The following NDUFA11 variants were observed in gnomAD, a reference collection of about 807,000 sequenced individuals.
NDUFA11 encodes NADH:ubiquinone oxidoreductase subunit A11.
Under a neutral mutation model 11.3 loss-of-function variants are expected in NDUFA11, and 14 were observed. That is an observed-to-expected ratio of 1.24 (90% CI 0.82 to 1.94). The LOEUF (loss-of-function observed/expected upper bound fraction) is 1.94. Among genes scored for constraint, NDUFA11 ranks in the 30% most tolerant of loss-of-function variants. The pLI is 0.00. For missense variants in NDUFA11, 204 were observed against 200.3 expected (o/e 1.02, Z -0.11); for synonymous variants, 87 against 85.6 (o/e 1.02, Z -0.09).
chr19:5,892,770 G>A (rs550178664), downstream of NDUFA11: 1,009 of 1,094,870 alleles, frequency 9.2e-4, 4 homozygotes, highest in Non-Finnish European at 8.9e-4. Context: ...GAGTGGATGC[G>A]ATGCCCGTGA....
At chr19:5,900,579 C>T (rs988345939) in intron 1 of NDUFA11, among the ~76,000 whole-genome samples, 2 of 152,162 alleles carry the variant, frequency 1.3e-5, no homozygotes, top group African/African-American at 4.8e-5. Flanking sequence ...CCCAGAAACA[C>T]GTTTCAGCAA....
In NDUFA11 at chr19:5,896,772, C is replaced by G. The variant is rs2057612483; in HGVS notation, c.190+133G>C. ...CATGTATTCCTGATAAAGGAACACC[C>G]CACTTTCTCCGGATGGCCAGCACTG... On this transcript the variant is annotated intron_variant, in intron 2 of 3. Coordinates refer to ENST00000308961, the MANE Select transcript of NDUFA11 (RefSeq NM_175614.5). The surrounding 1 kb of genome is among the most constrained non-coding windows in gnomAD (Gnocchi z 5.8). 1.7e-6 allele frequency: 2 copies of G among 1,173,680 alleles called. No homozygotes were observed. Among genetic ancestry groups the G allele is most frequent in the South Asian group, 1.2e-5 (1 of 82,324 alleles). The allele number at this position is 1,173,680 out of a possible 1,614,324, so 72.7% of individuals were successfully genotyped here. A position where few individuals can be genotyped will look rare whatever the true frequency, so the allele number is the denominator to read the frequency against.
At position 5,897,000 on chromosome 19, in the gene NDUFA11, G is replaced by A. The variant is rs746553607; in HGVS notation, c.98-3C>T. 6.2e-7 allele frequency: 1 copy of A among 1,613,442 alleles called. No homozygotes were observed. Among genetic ancestry groups the A allele is most frequent in the Non-Finnish European group, 8.5e-7 (1 of 1,179,488 alleles). ...TCTGTAGGCAGCGGCGGTCAGGCCT[G>A]CGAGACAGAGGAGGGAGGCTGTTCA... On this transcript the variant is annotated splice_polypyrimidine_tract_variant and splice_region_variant and intron_variant, in intron 1 of 3. Coordinates refer to ENST00000308961, the MANE Select transcript of NDUFA11 (RefSeq NM_175614.5). The surrounding 1 kb of genome is among the most constrained non-coding windows in gnomAD (Gnocchi z 5.8).
In NDUFA11 at chr19:5,896,743, C is replaced by G. The variant is rs1353280440; in HGVS notation, c.190+162G>C. 5 of 1,204,954 alleles carry G rather than the reference C, an allele frequency of 4.1e-6. No individual in the cohort carries two copies. In the African/African-American group the frequency reaches 6.0e-5, roughly 14 times the overall value. 74.6% of individuals were successfully genotyped at this position (1,204,954 alleles called of 1,614,324 possible). ...GAGCTGTTCTCCTGGGCCTCCCCAC[C>G]CTACATGTATTCCTGATAAAGGAAC... On this transcript the variant is annotated intron_variant, in intron 2 of 3. Coordinates refer to ENST00000308961, the MANE Select transcript of NDUFA11 (RefSeq NM_175614.5). This position sits in a 1 kb window ranked among gnomAD's most constrained non-coding sequence, Gnocchi z 5.8.
intron 1 of NDUFA11, among the ~76,000 whole-genome samples, chr19:5,899,334 A>C (rs2057630255): frequency 6.7e-6 from 1 of 150,140 alleles, no homozygotes; most frequent in African/African-American, 2.5e-5. Flanking sequence ...TATTTTTAGT[A>C]GAGACGGGGT....
Position 5,896,120 on chromosome 19 carries a change from A to G in NDUFA11, c.313+333T>C. ...GGCTTGTACACAGGGTGGTCAGGAC[A>G]GTGAGGGGAACAGCATTCCACGCAG... On this transcript the variant is annotated intron_variant, in intron 3 of 3. Coordinates refer to ENST00000308961, the MANE Select transcript of NDUFA11 (RefSeq NM_175614.5). The surrounding 1 kb of genome is among the most constrained non-coding windows in gnomAD (Gnocchi z 5.8). 1 of 549,616 alleles carries G rather than the reference A, an allele frequency of 1.8e-6. No individual in the cohort carries two copies. The highest frequency in any genetic ancestry group is 3.2e-6 in the Non-Finnish European group (1 of 310,512). The allele number at this position is 549,616 out of a possible 1,614,324, so 34.0% of individuals were successfully genotyped here.
downstream of NDUFA11, chr19:5,892,707 G>C: frequency 1.7e-6 from 1 of 589,782 alleles, no homozygotes; most frequent in Non-Finnish European, 2.6e-6. Context: ...AGGCCGTGCT[G>C]TGGTGGGCGC....
chr19:5,894,566 G>A, downstream of NDUFA11: 1 of 1,337,880 alleles, frequency 7.5e-7, no homozygotes, highest in African/African-American at 1.4e-5. Context: ...GCAGGCGGCA[G>A]GCAGGCGCGT....
chr19:5,897,406 G>A (rs974564189), intron 1 of NDUFA11, among the ~76,000 whole-genome samples: 9 of 152,118 alleles, frequency 5.9e-5, no homozygotes, highest in African/African-American at 1.7e-4. Context: ...CCAGCTCAGC[G>A]GCGCCCCCCA....
chr19:5,901,934 G>A (rs2057648505), intron 1 of NDUFA11, among the ~76,000 whole-genome samples: 1 of 149,288 alleles, frequency 6.7e-6, no homozygotes, highest in African/African-American at 2.5e-5. Context: ...GCCTCCCAAA[G>A]TGCTGGGACT....
chr19:5,903,613 AG>A lies in NDUFA11; in HGVS notation c.95del (p.Ala32ValfsTer3). 1.9e-6 allele frequency: 3 copies of A among 1,550,474 alleles called. No individual in the cohort carries two copies. The highest frequency in any genetic ancestry group is 2.4e-5 in the South Asian group (2 of 84,060). On this transcript the variant is annotated frameshift_variant and splice_region_variant, in exon 1 of 4. Transcript: ENST00000308961. LOFTEE classifies it high-confidence loss of function. Reference sequence around the variant, plus strand: ...CCTCGGGGCCCGGCCGGCGCTCACCAGCGACGCTGGCAATACTGGTGGTGCT... The same window carrying A: ...CCTCGGGGCCCGGCCGGCGCTCACCACGACGCTGGCAATACTGGTGGTGCT... ...AYSTTSIASVAGLTAAAYRVT... is the reference protein window; with the variant it reads ...AYSTTSIASVXGLTAAAYRVT...
At chr19:5,894,441 G>C (rs1039000274), downstream of NDUFA11, among the ~76,000 whole-genome samples, 1 of 152,188 alleles carries the variant, frequency 6.6e-6, no homozygotes, top group African/African-American at 2.4e-5. Flanking sequence ...CCTGGGAACT[G>C]GGGGAAGCAG....
Position 5,896,168 on chromosome 19 carries a change from T to C in NDUFA11, c.313+285A>G. ...CAGTGCACTGCCCATGCAAAGGCCC[T>C]GGGGCAGGACTGTACCTGGCATGTG... On this transcript the variant is annotated intron_variant, in intron 3 of 3. Transcript: ENST00000308961. This position sits in a 1 kb window ranked among gnomAD's most constrained non-coding sequence, Gnocchi z 5.8. The C allele has an allele frequency of 1.8e-6, 1 of 565,556 alleles. No individual in the cohort carries two copies. The highest frequency in any genetic ancestry group is 2.2e-5 in the South Asian group (1 of 46,456). The allele number at this position is 565,556 out of a possible 1,614,324, so 35.0% of individuals were successfully genotyped here.
At chr19:5,898,878 T>TAAAAAAAA (rs34771049) in intron 1 of NDUFA11, among the ~76,000 whole-genome samples, 6 of 82,510 alleles carry the variant, frequency 7.3e-5, no homozygotes, top group East Asian at 3.9e-4. Context: ...CGTCTCAAAA[T>TAAAAAAAA]AAAAAAAAAA....
Position 5,896,395 on chromosome 19 carries a change from G to A in NDUFA11, c.313+58C>T. On this transcript the variant is annotated intron_variant, in intron 3 of 3. Coordinates refer to ENST00000308961, the MANE Select transcript of NDUFA11 (RefSeq NM_175614.5). The surrounding 1 kb of genome is among the most constrained non-coding windows in gnomAD (Gnocchi z 5.8). ...CAGAGAGGGTGGAGGATGAGCAGAG[G>A]TCAGGGGTCATTCTGCCAGGCTGGG... 6.6e-7 allele frequency: 1 copy of A among 1,509,636 alleles called. No homozygotes were observed. The highest frequency in any genetic ancestry group is 8.9e-7 in the Non-Finnish European group (1 of 1,118,146). The allele number at this position is 1,509,636 out of a possible 1,614,324, so 93.5% of individuals were successfully genotyped here.
chr19:5,901,235 C>T, intron 1 of NDUFA11: 1 of 1,104,134 alleles, frequency 9.1e-7, no homozygotes. Context: ...TGCACACACT[C>T]TCTCACATGA....
intron 3 of NDUFA11, chr19:5,895,498 C>G (rs2057602260): frequency 6.5e-6 from 1 of 152,866 alleles, no homozygotes; most frequent in African/African-American, 2.4e-5. Flanking sequence ...AGGGACAAGG[C>G]CTCCCCAAGG....
In NDUFA11 at chr19:5,896,916, G is replaced by A. The variant is rs775242122; in HGVS notation, c.179C>T (p.Thr60Met). 8.7e-6 allele frequency: 14 copies of A among 1,613,646 alleles called. No individual in the cohort carries two copies. Among genetic ancestry groups the A allele is most frequent in the East Asian group, 6.7e-5 (3 of 44,886 alleles). Residue 60 changes from threonine to methionine, a missense_variant, in exon 2 of 4, where the codon ACG becomes ATG. Transcript: ENST00000308961. This position sits in a 1 kb window ranked among gnomAD's most constrained non-coding sequence, Gnocchi z 5.8. ...LEGVAKVGQYTFTAAAVGAVF... is the reference protein window; with the variant it reads ...LEGVAKVGQYMFTAAAVGAVF... ...CCCAGCGTGCTCACCTGCAGTGAAC[G>A]TGTATTGTCCAACCTTAGCCACTCC...
intron 1 of NDUFA11, among the ~76,000 whole-genome samples, chr19:5,897,966 C>T (rs77957215): frequency 6.6e-5 from 10 of 152,238 alleles, no homozygotes; most frequent in African/African-American, 2.4e-4. Flanking sequence ...ACAAGCACCC[C>T]CCTCTCCCTA....
Sources: allele counts gnomAD v4.1 joint callset (sites outside exome capture counted in the v4.1 genomes callset), GRCh38; gene constraint gnomAD v4.1.1; non-coding constraint Gnocchi (gnomAD v3.1); transcripts MANE v1.5; gene names NCBI Gene and HGNC (gene_info 2026-07-23, HGNC 2026-07-21).